The following CACNA1A variants were observed in gnomAD, a reference collection of about 807,000 sequenced individuals.
The protein encoded by CACNA1A is calcium voltage-gated channel subunit alpha1 A.
In CACNA1A, 57 loss-of-function variants were observed where a neutral mutation model predicts 262.4. The observed-to-expected ratio is 0.22, with a 90% CI of 0.18 to 0.27. CACNA1A has a LOEUF of 0.27. Ranked by LOEUF, CACNA1A falls within the 10% of genes least tolerant of loss-of-function variation. The probability of loss-of-function intolerance (pLI) is 1.00; values close to 1 mark genes in which losing one functional copy is unlikely to be tolerated. For synonymous variants in CACNA1A, 1,431 were observed against 1,419.3 expected, an observed-to-expected ratio of 1.01 and a Z score of -0.18; for missense variants, 2,526 against 3,562.8, an observed-to-expected ratio of 0.71 and a Z score of 7.41.
chr19:13,404,466 A>G (rs1018365650), intron 3 of CACNA1A, among the ~76,000 whole-genome samples: 6 of 152,182 alleles, frequency 3.9e-5, no homozygotes, highest in African/African-American at 1.4e-4. Context: ...TTTTTCAACA[A>G]CAGCACCAGG....
chr19:13,311,475 G>A (rs1424280711), intron 12 of CACNA1A, among the ~76,000 whole-genome samples: 1 of 152,218 alleles, frequency 6.6e-6, no homozygotes, highest in Non-Finnish European at 1.5e-5. Context: ...TTGTTTGTAT[G>A]TATTTTGTTT....
intron 3 of CACNA1A, among the ~76,000 whole-genome samples, chr19:13,450,061 A>C (rs1003466225): frequency 6.7e-6 from 1 of 149,342 alleles, no homozygotes; most frequent in African/African-American, 2.5e-5. Context: ...GAATCACTTG[A>C]AACTGGGAGG....
At chr19:13,347,501 G>A (rs1271870401) in intron 6 of CACNA1A, among the ~76,000 whole-genome samples, 1 of 152,060 alleles carries the variant, frequency 6.6e-6, no homozygotes, top group Non-Finnish European at 1.5e-5. Flanking sequence ...TACAGCCCGC[G>A]GGCCAGCCAC....
In CACNA1A at chr19:13,214,557, G is replaced by T. The variant is rs1483005213; in HGVS notation, c.5783C>A (p.Ala1928Glu). Residue 1928 changes from alanine to glutamate, a missense_variant, in exon 39 of 47, where the codon GCG becomes GAG. This residue lies in a region of CACNA1A where 112 missense variants were observed against 197.2 expected (regional missense o/e 0.57). Coordinates refer to ENST00000360228, the MANE Select transcript of CACNA1A (RefSeq NM_001127222.2). This position sits in a 1 kb window ranked among gnomAD's most constrained non-coding sequence, Gnocchi z 4.1. ...MDAELRKEMM[A>E]IWPNLSQKTL... ...CTTCTGGGACAGATTGGGCCAAATC[G>T]CCATCATCTCCTTCCGCAGCTCAGC... 6.2e-7 allele frequency: 1 copy of T among 1,613,822 alleles called. No homozygotes were observed. The highest frequency in any genetic ancestry group is 1.3e-5 in the African/African-American group (1 of 74,928).
At chr19:13,358,034 A>C (rs1181762338) in intron 6 of CACNA1A, among the ~76,000 whole-genome samples, 1 of 152,216 alleles carries the variant, frequency 6.6e-6, no homozygotes, top group Non-Finnish European at 1.5e-5. Flanking sequence ...AATCTTCCCC[A>C]AAAATAAAAT....
chr19:13,280,304 T>A lies in CACNA1A; in HGVS notation c.3822+2963A>T, dbSNP rs186241274. On this transcript the variant is annotated intron_variant, in intron 22 of 46. Transcript: ENST00000360228. ...GATCCTCCCACCTCAGCCTCCCAAG[T>A]GGCTGGGACCACAGGTGTGCACCAC... Among the ~76,000 whole-genome samples, 359 of 151,462 alleles carry A rather than the reference T, an allele frequency of 2.4e-3. 1 individual carries two copies. The highest frequency in any genetic ancestry group is 8.0e-3 in the African/African-American group (328 of 41,248).
chr19:13,209,444 C>A lies in CACNA1A; in HGVS notation c.6394G>T (p.Ala2132Ser), dbSNP rs867525404. The change falls in exon 45 of 47, where the codon GCC (alanine) becomes TCC (serine). Residue 2132 changes from alanine (A) to serine (S), a missense_variant. This residue lies in a region of CACNA1A where 929 missense variants were observed against 868.1 expected (regional missense o/e 1.07). Coordinates refer to ENST00000360228, the MANE Select transcript of CACNA1A (RefSeq NM_001127222.2). ...KRSASVLGPK[A>S]RRLDDYSLER... The stretch of plus-strand genomic sequence containing the variant: ...AGCGAGTAATCGTCCAGGCGTCGGG[C>A]CTTGGGGCCCAGCACGGAGGCTGAA... 1 of 1,378,446 alleles carries A rather than the reference C, an allele frequency of 7.3e-7. No individual in the cohort carries two copies. The highest frequency in any genetic ancestry group is 9.4e-7 in the Non-Finnish European group (1 of 1,061,194). The allele number at this position is 1,378,446 out of a possible 1,614,324, so 85.4% of individuals were successfully genotyped here.
intron 6 of CACNA1A, among the ~76,000 whole-genome samples, chr19:13,349,986 T>C (rs10416053): frequency 0.13 from 19,679 of 152,178 alleles, 2,450 homozygotes; most frequent in African/African-American, 0.32. Context: ...ACCTTGGAGC[T>C]TCCAGGTCAA....
rs16000 is a variant in CACNA1A, at chr19:13,506,276, A to ACGC, written c.-55_-53dup. ...TACGCTGCGGCGAACGATGCGGAAGACGCCGCCGCCGCCGCCGCCGCCGCT... is the reference window on the plus strand; with the variant it reads ...TACGCTGCGGCGAACGATGCGGAAGACGCCGCCGCCGCCGCCGCCGCCGCCGCT... On this transcript the variant is annotated 5_prime_UTR_variant, in exon 1 of 47. Transcript: ENST00000360228. The ACGC allele has an allele frequency of 0.058, 79,210 of 1,354,312 alleles. 2,157 individuals carry two copies. The highest frequency in any genetic ancestry group is 0.063 in the Non-Finnish European group (66,596 of 1,052,180). 83.9% of individuals were successfully genotyped at this position (1,354,312 alleles called of 1,614,324 possible). A position where few individuals can be genotyped will look rare whatever the true frequency, so the allele number is the denominator to read the frequency against.
intron 38 of CACNA1A, among the ~76,000 whole-genome samples, chr19:13,216,148 A>G (rs1226992324): frequency 3.9e-5 from 6 of 151,904 alleles, no homozygotes; most frequent in Admixed American, 3.9e-4. Context: ...GCCTGCAGCC[A>G]GTCCCTCGTC....
chr19:13,319,319 T>C (rs2058198129), intron 10 of CACNA1A, among the ~76,000 whole-genome samples: 1 of 152,218 alleles, frequency 6.6e-6, no homozygotes, highest in Non-Finnish European at 1.5e-5. Flanking sequence ...ATTCATTCAT[T>C]CTTTCATCAT....
intron 34 of CACNA1A, among the ~76,000 whole-genome samples, chr19:13,234,165 T>C (rs1406513781): frequency 6.6e-6 from 1 of 150,482 alleles, no homozygotes; most frequent in East Asian, 2.0e-4. Context: ...CTGGCTAACA[T>C]GGTGAAACCC....
At position 13,214,654 on chromosome 19, in the gene CACNA1A, A is replaced by C. The variant is rs1367351052; in HGVS notation, c.5732-46T>G. 1 of 1,466,868 alleles carries C rather than the reference A, an allele frequency of 6.8e-7. No homozygotes were observed. The allele number at this position is 1,466,868 out of a possible 1,614,324, so 90.9% of individuals were successfully genotyped here. A position where few individuals can be genotyped will look rare whatever the true frequency, so the allele number is the denominator to read the frequency against. On this transcript the variant is annotated intron_variant, in intron 38 of 46. Coordinates refer to ENST00000360228, the MANE Select transcript of CACNA1A (RefSeq NM_001127222.2). The surrounding 1 kb of genome is among the most constrained non-coding windows in gnomAD (Gnocchi z 4.1). ...GACCCTGACTGCCTGCCTGGGTGTCAGCTGGACTCTGGGTCAGCTGCAAAG... is the reference window on the plus strand; with the variant it reads ...GACCCTGACTGCCTGCCTGGGTGTCCGCTGGACTCTGGGTCAGCTGCAAAG...
chr19:13,448,599 A>C (rs890551458), intron 3 of CACNA1A, among the ~76,000 whole-genome samples: 4 of 152,194 alleles, frequency 2.6e-5, no homozygotes, highest in Admixed American at 6.5e-5. Context: ...GCCCCCAGGG[A>C]GCATGAATTG....
At chr19:13,496,572 T>C (rs539985664) in intron 1 of CACNA1A, among the ~76,000 whole-genome samples, 4 of 152,354 alleles carry the variant, frequency 2.6e-5, no homozygotes, top group African/African-American at 9.6e-5. Context: ...TGAGACCTTG[T>C]GATTGTGTTC....
intron 25 of CACNA1A, 50 bp from the exon 26 acceptor site, chr19:13,261,660 C>G (rs1195999901): frequency 6.4e-7 from 1 of 1,563,412 alleles, no homozygotes; most frequent in Non-Finnish European, 8.7e-7. Context: ...ACCTGCCCAA[C>G]CTTCTGCCTC....
chr19:13,207,802 G>T lies in CACNA1A; in HGVS notation c.7032C>A (p.Pro2344=). ...ATSGPRRYPG[P]TAEPLAGDRP... ...GATCTCCGGCCAGAGGCTCGGCCGTGGGGCCTGGGTACCTCCGAGGGCCGC... is the reference window on the plus strand; with the variant it reads ...GATCTCCGGCCAGAGGCTCGGCCGTTGGGCCTGGGTACCTCCGAGGGCCGC... The change falls in exon 47 of 47, where the codon CCC becomes CCA. Residue 2344 remains proline (P), a synonymous_variant. Transcript: ENST00000360228. The surrounding 1 kb of genome is among the most constrained non-coding windows in gnomAD (Gnocchi z 5.7). 7.0e-7 allele frequency: 1 copy of T among 1,424,300 alleles called. No homozygotes were observed. The highest frequency in any genetic ancestry group is 9.1e-7 in the Non-Finnish European group (1 of 1,097,010). 88.2% of individuals were successfully genotyped at this position (1,424,300 alleles called of 1,614,324 possible).
chr19:13,427,249 C>T (rs1005090709), intron 3 of CACNA1A, among the ~76,000 whole-genome samples: 6 of 151,932 alleles, frequency 3.9e-5, no homozygotes, highest in Admixed American at 6.6e-5. Flanking sequence ...GTCAGGAGTT[C>T]GAGACCAGCC....
At chr19:13,318,014 GGCACAT>G (rs2058161883) in intron 10 of CACNA1A, among the ~76,000 whole-genome samples, 1 of 152,212 alleles carries the variant, frequency 6.6e-6, no homozygotes, top group African/African-American at 2.4e-5. Context: ...TGGGTGCAGT[GGCACAT>G]GCCTCTAATC....
Sources: allele counts gnomAD v4.1 joint callset (sites outside exome capture counted in the v4.1 genomes callset), GRCh38; gene constraint gnomAD v4.1.1; regional missense constraint gnomAD v4.1.1; non-coding constraint Gnocchi (gnomAD v3.1); transcripts MANE v1.5; gene names NCBI Gene and HGNC (gene_info 2026-07-23, HGNC 2026-07-21).